Variants in GRXCR2 observed in about 807,000 individuals in gnomAD.
GRXCR2 encodes glutaredoxin and cysteine rich domain containing 2, also known as glutaredoxin domain-containing cysteine-rich protein 2.
Under a neutral mutation model 24.8 loss-of-function variants are expected in GRXCR2, and 23 were observed. The ratio of observed to expected loss-of-function variants is 0.93; its 90% confidence interval spans 0.67 to 1.32. The LOEUF is 1.32. GRXCR2 is among the 40% of genes most tolerant of loss of function. The pLI is 0.00. For missense variants in GRXCR2, 315 were observed against 303.4 expected (o/e 1.04, Z -0.28); for synonymous variants, 130 against 116.1 (o/e 1.12, Z -0.77).
chr5:145,891,693 C>A lies in GRXCR2; in HGVS notation c.-69-24965G>T, dbSNP rs549990195. Among the ~76,000 whole-genome samples, 238 of 152,314 alleles carry A rather than the reference C, an allele frequency of 1.6e-3. 2 individuals carry two copies. The highest frequency in any genetic ancestry group is 6.8e-3 in the Middle Eastern group (2 of 294). On this transcript the variant is annotated intron_variant, in intron 2 of 3. Transcript: ENST00000639411. ...AAGGAGGCCTGCCTGCCTCTGTAGA[C>A]TCCACCTCTGGGGGCAGGGCATAGC...
chr5:145,914,675 CAAAAAAAAAA>C (rs34955541), intron 2 of GRXCR2, among the ~76,000 whole-genome samples: 1 of 55,226 alleles, frequency 1.8e-5, no homozygotes, highest in South Asian at 9.8e-4. Flanking sequence ...GACTCCATCT[CAAAAAAAAAA>C]AAAAAAAAAA....
In GRXCR2 at chr5:145,866,683, T is replaced by C; in HGVS notation, c.382A>G (p.Asn128Asp). The C allele has an allele frequency of 6.2e-7, 1 of 1,613,554 alleles. No individual in the cohort carries two copies. Among genetic ancestry groups the C allele is most frequent in the Middle Eastern group, 1.6e-4 (1 of 6,062 alleles). The stretch of plus-strand genomic sequence containing the variant: ...ATTGGGGTTCGAATGATTTTCAGGT[T>C]ATTAGTGTAGATGATTATCTTTCCA... ...DFGKIIIYTN[N>D]LKIIRTPMDK... The change falls in exon 2 of 3, where the codon AAC (asparagine) becomes GAC (aspartate). Residue 128 changes from asparagine to aspartate, a missense_variant. Asn to Asp is a conservative substitution (Grantham distance 23, BLOSUM62 1). Coordinates refer to ENST00000377976, the MANE Select transcript of GRXCR2 (RefSeq NM_001080516.2).
At chr5:145,871,260 G>T (rs1756527698) in intron 1 of GRXCR2, among the ~76,000 whole-genome samples, 1 of 152,090 alleles carries the variant, frequency 6.6e-6, no homozygotes, top group African/African-American at 2.4e-5. Context: ...GACTAGCCAA[G>T]TGCCTAGGAC....
In GRXCR2 at chr5:145,887,266, T is replaced by A. The variant is rs77508564; in HGVS notation, c.-69-20538A>T. ...TGTTTGCCACCAAACCTGGCTATTT[T>A]TAAAATTTTTTTATAGACATAGTGT... On this transcript the variant is annotated intron_variant, in intron 2 of 3. Coordinates refer to the GRXCR2 transcript ENST00000639411. Among the ~76,000 whole-genome samples the A allele has an allele frequency of 1.9e-3, 289 of 152,304 alleles. 6 individuals carry two copies. The East Asian group carries it at 0.05, about 26-fold the overall frequency.
intron 2 of GRXCR2, among the ~76,000 whole-genome samples, chr5:145,865,164 GC>G (rs1756407430): frequency 6.6e-6 from 1 of 152,108 alleles, no homozygotes. Flanking sequence ...GTTCCAGAAA[GC>G]CCCTGACCAA....
intron 2 of GRXCR2, 97 bp downstream of exon 2, chr5:145,866,404 T>C: frequency 1.3e-6 from 1 of 747,252 alleles, no homozygotes; most frequent in Non-Finnish European, 2.3e-6. Flanking sequence ...GTATTCATAT[T>C]CAAAAGGTTT....
At chr5:145,898,169 C>T (rs546349001) in intron 2 of GRXCR2, among the ~76,000 whole-genome samples, 1 of 152,028 alleles carries the variant, frequency 6.6e-6, no homozygotes, top group African/African-American at 2.4e-5. Flanking sequence ...AAAAGATCCT[C>T]AGAGACTATT....
chr5:145,883,156 G>C (rs771156727), intron 2 of GRXCR2, among the ~76,000 whole-genome samples: 1 of 151,522 alleles, frequency 6.6e-6, no homozygotes, highest in Non-Finnish European at 1.5e-5. Flanking sequence ...TTGTCCCCTA[G>C]AACTTAAAGT....
At chr5:145,906,087 G>A (rs1047491094) in intron 2 of GRXCR2, among the ~76,000 whole-genome samples, 1 of 152,164 alleles carries the variant, frequency 6.6e-6, no homozygotes, top group Non-Finnish European at 1.5e-5. Flanking sequence ...AAATCACTCT[G>A]TTGGTAATGC....
At chr5:145,912,330 A>G (rs1757177262) in intron 2 of GRXCR2, among the ~76,000 whole-genome samples, 1 of 152,104 alleles carries the variant, frequency 6.6e-6, no homozygotes, top group Admixed American at 6.6e-5. Context: ...TGAGAGCTAA[A>G]AAGGGGGTTC....
At chr5:145,920,945 C>T (rs1234030905) in intron 2 of GRXCR2, among the ~76,000 whole-genome samples, 1 of 152,206 alleles carries the variant, frequency 6.6e-6, no homozygotes, top group Non-Finnish European at 1.5e-5. Flanking sequence ...GAGAGCAGGC[C>T]CTCACCAGAC....
intron 2 of GRXCR2, among the ~76,000 whole-genome samples, chr5:145,864,070 A>G (rs1756387009): frequency 2.0e-5 from 3 of 152,166 alleles, no homozygotes; most frequent in African/African-American, 7.2e-5. Flanking sequence ...TGCAACTCTG[A>G]TGAGGGGTGT....
At chr5:145,876,342 C>G (rs1047269403), upstream of GRXCR2, among the ~76,000 whole-genome samples, 1 of 148,918 alleles carries the variant, frequency 6.7e-6, no homozygotes, top group Non-Finnish European at 1.5e-5. Flanking sequence ...AGGGGTGCAA[C>G]CTTAGCTCAC....
At position 145,872,911 on chromosome 5, in the gene GRXCR2, G is replaced by C; in HGVS notation, c.58C>G (p.Arg20Gly). Residue 20 changes from arginine (R) to glycine (G), a missense_variant, in exon 1 of 3, where the codon CGA (arginine) becomes GGA (glycine). By Grantham distance (125) the Arg-to-Gly change is moderately radical. Transcript: ENST00000377976. ...QKSDGKPRKV[R>G]FKISSSYSGR... Reference sequence around the variant, plus strand: ...CTGTAGGAGGAGGAGATTTTAAATCGTACTTTCCGGGGTTTGCCATCACTC... The same window carrying C: ...CTGTAGGAGGAGGAGATTTTAAATCCTACTTTCCGGGGTTTGCCATCACTC... The C allele has an allele frequency of 6.2e-7, 1 of 1,614,154 alleles. No homozygotes were observed. The highest frequency in any genetic ancestry group is 8.5e-7 in the Non-Finnish European group (1 of 1,180,012).
At position 145,931,234 on chromosome 5, in the gene GRXCR2, G is replaced by A. The variant is rs145292685; in HGVS notation, c.-70+4467C>T. ...TTTTGTAGAGACAGGATTTTGCCAT[G>A]TTGCCCAGGCTGGTCTTGAACCCCT... On this transcript the variant is annotated intron_variant, in intron 2 of 3. Coordinates refer to the GRXCR2 transcript ENST00000639411. Among the ~76,000 whole-genome samples the A allele has an allele frequency of 4.2e-3, 632 of 152,176 alleles. 1 individual carries two copies. The highest frequency in any genetic ancestry group is 6.8e-3 in the Middle Eastern group (2 of 294).
At chr5:145,917,926 C>T (rs1418152868) in intron 2 of GRXCR2, among the ~76,000 whole-genome samples, 3 of 152,120 alleles carry the variant, frequency 2.0e-5, no homozygotes, top group Admixed American at 2.0e-4. Flanking sequence ...ACTACAGGTG[C>T]CCACCACCAT....
At chr5:145,867,567 G>A (rs1303842643) in intron 1 of GRXCR2, among the ~76,000 whole-genome samples, 2 of 152,110 alleles carry the variant, frequency 1.3e-5, no homozygotes, top group African/African-American at 2.4e-5. Flanking sequence ...ATTTGCTCAG[G>A]AATAAACCTG....
At chr5:145,887,960 C>T (rs977248264) in intron 2 of GRXCR2, among the ~76,000 whole-genome samples, 3 of 152,186 alleles carry the variant, frequency 2.0e-5, no homozygotes, top group Admixed American at 2.0e-4. Context: ...ATATCAATTA[C>T]TTTCCTTTTA....
At chr5:145,884,738 A>C (rs545107313) in intron 2 of GRXCR2, among the ~76,000 whole-genome samples, 2 of 152,316 alleles carry the variant, frequency 1.3e-5, no homozygotes, top group Non-Finnish European at 2.9e-5. Flanking sequence ...TGCTCTTTTA[A>C]AAAATTTACA....
Sources: gnomAD v4.1 joint callset for allele counts (sites outside exome capture counted in the v4.1 genomes callset) on GRCh38, gnomAD v4.1.1 for gene constraint, MANE v1.5 for transcripts, NCBI Gene and HGNC (gene_info 2026-07-23, HGNC 2026-07-21) for gene names.